THSD7B: variants seen among roughly 807,000 people sequenced by gnomAD.
THSD7B encodes the protein thrombospondin type-1 domain-containing protein 7B.
A neutral mutation model predicts 213.6 loss-of-function variants in THSD7B; 138 were observed. The ratio of observed to expected loss-of-function variants is 0.65; its 90% CI spans 0.56 to 0.74. The LOEUF (loss-of-function observed/expected upper bound fraction) is 0.74. Ranked by LOEUF, THSD7B falls within the 30% of genes least tolerant of loss-of-function variation. The probability of loss-of-function intolerance (pLI) is 0.00; values close to 1 mark genes in which losing one functional copy is unlikely to be tolerated. For missense variants in THSD7B, 1,931 were observed against 1,991.5 expected (o/e 0.97, Z 0.58); for synonymous variants, 742 against 687.0 (o/e 1.08, Z -1.25).
chr2:136,989,656 A>G (rs1236569342), intron 2 of THSD7B, among the ~76,000 whole-genome samples: 1 of 152,202 alleles, frequency 6.6e-6, no homozygotes. Flanking sequence ...TCCAAAGACT[A>G]AAGCACTGTT....
chr2:137,586,034 T>A (rs1681717542), intron 17 of THSD7B, among the ~76,000 whole-genome samples: 1 of 151,896 alleles, frequency 6.6e-6, no homozygotes, highest in East Asian at 1.9e-4. Flanking sequence ...ATTGGGTGCA[T>A]TATATTTAGG....
intron 14 of THSD7B, among the ~76,000 whole-genome samples, chr2:137,447,402 C>T (rs1038469469): frequency 5.3e-5 from 8 of 152,276 alleles, no homozygotes; most frequent in East Asian, 3.9e-4. Context: ...GTGAAGTATG[C>T]ATGCCATGAG....
chr2:137,222,574 T>C (rs1463320320), intron 7 of THSD7B, among the ~76,000 whole-genome samples: 1 of 152,214 alleles, frequency 6.6e-6, no homozygotes, highest in African/African-American at 2.4e-5. Flanking sequence ...GCTTTTTTCC[T>C]GTATACCTTC....
At chr2:137,607,668 G>T (rs960007168) in intron 17 of THSD7B, among the ~76,000 whole-genome samples, 1 of 152,012 alleles carries the variant, frequency 6.6e-6, no homozygotes, top group African/African-American at 2.4e-5. Flanking sequence ...CTTTTTTGGA[G>T]AATTCAGCCC....
chr2:137,563,372 G>C lies in THSD7B; in HGVS notation c.3272+18G>C. The C allele has an allele frequency of 1.2e-6, 2 of 1,611,228 alleles. No individual in the cohort carries two copies. The highest frequency in any genetic ancestry group is 1.7e-6 in the Non-Finnish European group (2 of 1,178,290). ...AAAATCAGGTGTGTGAAAATGGAGA[G>C]ATTTGGGAAATAGGGGGAAGTGGAA... On this transcript the variant is annotated intron_variant, in intron 16 of 27. Coordinates refer to ENST00000409968, the MANE Select transcript of THSD7B (RefSeq NM_001316349.2).
At position 137,611,374 on chromosome 2, in the gene THSD7B, C is replaced by G. The variant is rs117222474; in HGVS notation, c.3424-4801C>G. On this transcript the variant is annotated intron_variant, in intron 17 of 27. Transcript: ENST00000409968. Reference sequence around the variant, plus strand: ...GGCTTTTACCCACTAAATTGAGAACCAAGATGGCATGATTAAAAACATGTA... The same window carrying G: ...GGCTTTTACCCACTAAATTGAGAACGAAGATGGCATGATTAAAAACATGTA... Among the ~76,000 whole-genome samples the G allele has an allele frequency of 4.6e-5, 7 of 152,074 alleles. No individual in the cohort carries two copies. In the East Asian group the frequency reaches 1.4e-3, roughly 29 times the overall value.
intron 12 of THSD7B, among the ~76,000 whole-genome samples, chr2:137,327,058 T>A (rs1004175373): frequency 6.6e-6 from 1 of 152,268 alleles, no homozygotes; most frequent in African/African-American, 2.4e-5. Context: ...TCTATTTGAC[T>A]AAGTCATCTT....
chr2:137,659,588 G>C (rs1683303574), intron 24 of THSD7B, 76 bp from the exon 25 acceptor site: 1 of 1,387,496 alleles, frequency 7.2e-7, no homozygotes, highest in Non-Finnish European at 9.8e-7. Context: ...CGGTGGCACA[G>C]GTTAAAAAAA....
chr2:137,506,581 A>G (rs929536438), intron 15 of THSD7B, among the ~76,000 whole-genome samples: 2 of 152,266 alleles, frequency 1.3e-5, no homozygotes, highest in African/African-American at 4.8e-5. Context: ...GTGGAGACAC[A>G]TAGATAACTA....
intron 13 of THSD7B, among the ~76,000 whole-genome samples, chr2:137,408,945 CA>C (rs1306723548): frequency 6.6e-6 from 1 of 152,152 alleles, no homozygotes; most frequent in Admixed American, 6.5e-5. Flanking sequence ...AGTAAACATA[CA>C]AAGGCCAGAA....
intron 2 of THSD7B, among the ~76,000 whole-genome samples, chr2:137,014,736 C>A (rs1460787265): frequency 2.0e-5 from 3 of 152,190 alleles, no homozygotes; most frequent in Non-Finnish European, 4.4e-5. Context: ...CTGGGTTATT[C>A]AGATTTTCCC....
At chr2:137,074,291 T>C (rs1687567762) in intron 3 of THSD7B, among the ~76,000 whole-genome samples, 1 of 152,214 alleles carries the variant, frequency 6.6e-6, no homozygotes, top group African/African-American at 2.4e-5. Flanking sequence ...CATATATATT[T>C]AGGATAGTTA....
At chr2:136,781,333 C>G (rs1405951518) in intron 1 of THSD7B, among the ~76,000 whole-genome samples, 1 of 147,964 alleles carries the variant, frequency 6.8e-6, no homozygotes, top group East Asian at 2.0e-4. Context: ...GGCCTGATCT[C>G]GGCTCACTGT....
At chr2:137,224,743 C>T (rs1308325215) in intron 7 of THSD7B, among the ~76,000 whole-genome samples, 1 of 152,084 alleles carries the variant, frequency 6.6e-6, no homozygotes, top group African/African-American at 2.4e-5. Context: ...GCGATCTCGG[C>T]TCACTGCAAG....
At position 137,222,040 on chromosome 2, in the gene THSD7B, T is replaced by A. The variant is rs143278977; in HGVS notation, c.1724-9004T>A. On this transcript the variant is annotated intron_variant, in intron 7 of 27. Coordinates refer to ENST00000409968, the MANE Select transcript of THSD7B (RefSeq NM_001316349.2). ...TTTTCTAGCTAAGACAAAATTAGGA[T>A]GAGTAAGAGACATAGTATCTTTAAC... is the stretch of plus-strand genomic sequence containing the variant. Among the ~76,000 whole-genome samples the A allele has an allele frequency of 3.3e-5, 5 of 152,364 alleles. No homozygotes were observed. In the East Asian group the frequency reaches 7.7e-4, roughly 23 times the overall value.
intron 3 of THSD7B, among the ~76,000 whole-genome samples, chr2:137,073,198 C>T (rs972879984): frequency 6.6e-6 from 1 of 152,104 alleles, no homozygotes; most frequent in Non-Finnish European, 1.5e-5. Flanking sequence ...CCTCTTTGTA[C>T]CTCTGGTAGA....
At chr2:137,304,033 A>G (rs1683679565) in intron 12 of THSD7B, among the ~76,000 whole-genome samples, 1 of 150,094 alleles carries the variant, frequency 6.7e-6, no homozygotes, top group South Asian at 2.1e-4. Context: ...CTCAACTCCC[A>G]CTTATGAAGG....
intron 14 of THSD7B, among the ~76,000 whole-genome samples, chr2:137,446,284 A>G (rs1687536928): frequency 6.6e-6 from 1 of 152,078 alleles, no homozygotes; most frequent in Non-Finnish European, 1.5e-5. Flanking sequence ...ATAAGGTAAT[A>G]TTCTGGGAGA....
chr2:137,458,055 A>C lies in THSD7B; in HGVS notation c.3138+7032A>C, dbSNP rs183907419. On this transcript the variant is annotated intron_variant, in intron 15 of 27. Transcript: ENST00000409968. ...TTTTTAAGATTAGGAAAAAAACAAA[A>C]AAAAAGTTAGAAGAACCAAATCAGG... Among the ~76,000 whole-genome samples the C allele has an allele frequency of 5.7e-4, 87 of 152,180 alleles. 2 individuals carry two copies. The East Asian group carries it at 9.1e-3, about 16-fold the overall frequency.
Sources: gnomAD v4.1 joint callset for allele counts (sites outside exome capture counted in the v4.1 genomes callset) on GRCh38, gnomAD v4.1.1 for gene constraint, MANE v1.5 for transcripts, NCBI Gene and HGNC (gene_info 2026-07-23, HGNC 2026-07-21) for gene names.